Variants in PTPRM observed in about 807,000 individuals in gnomAD.
PTPRM encodes protein tyrosine phosphatase receptor type M, also known as receptor-type tyrosine-protein phosphatase mu.
PTPRM carries 47 observed loss-of-function variants against 186.7 expected under a neutral mutation model. The observed-to-expected ratio is 0.25, with a 90% CI of 0.20 to 0.32. The LOEUF is 0.32. Ranked by LOEUF, PTPRM falls within the 10% of genes least tolerant of loss-of-function variation. The pLI is 1.00. For missense variants in PTPRM, 1,494 were observed against 1,865.0 expected (o/e 0.80, Z 3.66); for synonymous variants, 668 against 674.9 (o/e 0.99, Z 0.16).
chr18:8,126,010 TATATATATATATA>T lies in PTPRM; in HGVS notation c.2167+11184_2167+11196del, dbSNP rs1177282949. On this transcript the variant is annotated intron_variant, in intron 13 of 32. Transcript: ENST00000580170. ...ATATATATATATATATATATATATATATATATATATATATATATTTTAAATCAGTAGACCTTTC... is the reference window on the plus strand; with the variant it reads ...ATATATATATATATATATATATATATTATATTTTAAATCAGTAGACCTTTC... Among the ~76,000 whole-genome samples the T allele has an allele frequency of 5.8e-3, 139 of 23,792 alleles. 5 individuals carry two copies. The highest frequency in any genetic ancestry group is 0.027 in the South Asian group (19 of 708). 15.6% of individuals were successfully genotyped at this position (23,792 alleles called of 152,430 possible).
chr18:8,159,249 A>G (rs2093181779), intron 14 of PTPRM, among the ~76,000 whole-genome samples: 1 of 152,182 alleles, frequency 6.6e-6, no homozygotes, highest in Admixed American at 6.5e-5. Flanking sequence ...TTGAATAGTA[A>G]TATAAATTTT....
At chr18:7,853,434 C>T (rs2046958764) in intron 2 of PTPRM, among the ~76,000 whole-genome samples, 1 of 152,142 alleles carries the variant, frequency 6.6e-6, no homozygotes, top group South Asian at 2.1e-4. Flanking sequence ...GGTAGTAAGG[C>T]TGTTTGTTTC....
At chr18:7,599,123 A>G (rs958784724) in intron 1 of PTPRM, among the ~76,000 whole-genome samples, 1 of 152,212 alleles carries the variant, frequency 6.6e-6, no homozygotes, top group African/African-American at 2.4e-5. Flanking sequence ...GTTGAGAAGA[A>G]GTAATTCTTC....
In PTPRM at chr18:7,568,268, G is replaced by C. The variant is rs1201882300; in HGVS notation, c.73+377G>C. 2.0e-5 allele frequency among the ~76,000 whole-genome samples: 3 copies of C among 151,744 alleles called. No individual in the cohort carries two copies. The highest frequency in any genetic ancestry group is 4.4e-5 in the Non-Finnish European group (3 of 67,876). On this transcript the variant is annotated intron_variant, in intron 1 of 32. Coordinates refer to ENST00000580170, the MANE Select transcript of PTPRM (RefSeq NM_001105244.2). The surrounding 1 kb of genome is among the most constrained non-coding windows in gnomAD (Gnocchi z 5.1). ...CTTGAAGTTCCCAGTTGCAGCCGCC[G>C]GGCCGCCTGGCGTAGGCGCTGCGCG...
intron 31 of PTPRM, among the ~76,000 whole-genome samples, chr18:8,393,870 G>A (rs1467936990): frequency 2.0e-5 from 3 of 152,108 alleles, no homozygotes; most frequent in Non-Finnish European, 2.9e-5. Context: ...CTCACTGCAA[G>A]CTCCACCTCC....
intron 20 of PTPRM, among the ~76,000 whole-genome samples, chr18:8,311,355 T>G (rs1222695317): frequency 6.6e-6 from 1 of 151,722 alleles, no homozygotes; most frequent in African/African-American, 2.4e-5. Context: ...GTGGACCCAT[T>G]CAAGGTATCT....
At chr18:7,861,281 AT>A (rs1354776495) in intron 2 of PTPRM, among the ~76,000 whole-genome samples, 3 of 152,178 alleles carry the variant, frequency 2.0e-5, no homozygotes, top group African/African-American at 4.8e-5. Context: ...CCCTAAAAAA[AT>A]TATGGTTTGT....
chr18:8,220,990 A>G (rs1383022365), intron 14 of PTPRM, among the ~76,000 whole-genome samples: 1 of 152,196 alleles, frequency 6.6e-6, no homozygotes, highest in Non-Finnish European at 1.5e-5. Flanking sequence ...AAATGAGAAT[A>G]ATCAGATGAA....
chr18:7,595,398 A>G (rs2037230785), intron 1 of PTPRM, among the ~76,000 whole-genome samples: 1 of 152,194 alleles, frequency 6.6e-6, no homozygotes, highest in South Asian at 2.1e-4. Context: ...AATGAGGCAG[A>G]TTGACCTGAG....
chr18:8,046,934 T>A (rs555601602), intron 7 of PTPRM, among the ~76,000 whole-genome samples: 2 of 152,310 alleles, frequency 1.3e-5, no homozygotes, highest in African/African-American at 4.8e-5. Context: ...CACCATGTAC[T>A]CTTGCAACAA....
chr18:7,954,415 A>G (rs907111898), intron 6 of PTPRM, among the ~76,000 whole-genome samples: 2 of 152,220 alleles, frequency 1.3e-5, no homozygotes, highest in African/African-American at 4.8e-5. Flanking sequence ...ATTCTCCTGT[A>G]GCAAAATGAA....
chr18:8,122,574 T>G (rs1330660750), intron 13 of PTPRM, among the ~76,000 whole-genome samples: 2 of 152,252 alleles, frequency 1.3e-5, no homozygotes, highest in African/African-American at 2.4e-5. Flanking sequence ...CTTTCTAGAC[T>G]AATGTTATAT....
chr18:8,151,859 T>C (rs183370803), intron 14 of PTPRM, among the ~76,000 whole-genome samples: 1 of 151,868 alleles, frequency 6.6e-6, no homozygotes, highest in East Asian at 1.9e-4. Context: ...TGAGCTGGAG[T>C]GCAGGGTTCC....
intron 14 of PTPRM, among the ~76,000 whole-genome samples, chr18:8,209,870 A>C (rs2093978583): frequency 1.3e-5 from 2 of 151,678 alleles, no homozygotes; most frequent in South Asian, 4.2e-4. Flanking sequence ...TAACTGATAC[A>C]TGTGGGGCTT....
intron 22 of PTPRM, among the ~76,000 whole-genome samples, chr18:8,338,982 C>T (rs1057377750): frequency 6.6e-6 from 1 of 152,038 alleles, no homozygotes; most frequent in East Asian, 1.9e-4. Context: ...AGTTGTGTTA[C>T]GTGGATATAT....
intron 1 of PTPRM, among the ~76,000 whole-genome samples, chr18:7,571,069 G>A (rs1195909298): frequency 1.3e-5 from 2 of 151,810 alleles, no homozygotes; most frequent in Admixed American, 6.6e-5. Flanking sequence ...CTCCCGAGTA[G>A]CTGGAACTAC....
At chr18:8,319,702 G>A (rs1203505965) in intron 22 of PTPRM, among the ~76,000 whole-genome samples, 1 of 152,212 alleles carries the variant, frequency 6.6e-6, no homozygotes, top group Non-Finnish European at 1.5e-5. Context: ...TAAAACATTA[G>A]GGATATTTGG....
chr18:7,999,225 G>C (rs1015610939), intron 7 of PTPRM, among the ~76,000 whole-genome samples: 1 of 152,066 alleles, frequency 6.6e-6, no homozygotes, highest in African/African-American at 2.4e-5. Context: ...GGATGTGTTA[G>C]GAAACCAAGG....
chr18:7,773,995 A>G (rs2042461432), intron 1 of PTPRM, 154 bp from the exon 2 acceptor site: 1 of 671,574 alleles, frequency 1.5e-6, no homozygotes, highest in Non-Finnish European at 2.5e-6. Context: ...AGGGATCACT[A>G]AGTGTTGGAT....
Sources: gnomAD v4.1 joint callset for allele counts (sites outside exome capture counted in the v4.1 genomes callset) on GRCh38, gnomAD v4.1.1 for gene constraint, Gnocchi (gnomAD v3.1) non-coding constraint, MANE v1.5 for transcripts, NCBI Gene and HGNC (gene_info 2026-07-23, HGNC 2026-07-21) for gene names.